The following KLHL6 variants were observed in gnomAD, a reference collection of about 807,000 sequenced individuals.
The protein encoded by KLHL6 is kelch like family member 6.
In KLHL6, 41 loss-of-function variants were observed where a neutral mutation model predicts 58.6. The ratio of observed to expected loss-of-function variants is 0.70; its 90% CI spans 0.55 to 0.91. The LOEUF (loss-of-function observed/expected upper bound fraction) is 0.91. Among genes scored for constraint, KLHL6 ranks in the 40% least tolerant of loss-of-function variants. The pLI is 0.00. For synonymous variants in KLHL6, 338 were observed against 322.7 expected, an observed-to-expected ratio of 1.05 and a Z score of -0.51; for missense variants, 714 against 805.6, an observed-to-expected ratio of 0.89 and a Z score of 1.38.
intron 1 of KLHL6, among the ~76,000 whole-genome samples, chr3:183,550,120 A>T (rs1295909756): frequency 6.6e-6 from 1 of 152,208 alleles, no homozygotes; most frequent in Non-Finnish European, 1.5e-5. Flanking sequence ...ACAAGAAAAA[A>T]GTCTTGGAAG....
intron 1 of KLHL6, among the ~76,000 whole-genome samples, chr3:183,551,642 T>C (rs1433083694): frequency 6.6e-6 from 1 of 152,204 alleles, no homozygotes; most frequent in Non-Finnish European, 1.5e-5. Flanking sequence ...GTAAGGATAC[T>C]AAATCCTTAT....
At chr3:183,503,614 T>C (rs1466170567) in intron 3 of KLHL6, among the ~76,000 whole-genome samples, 1 of 152,126 alleles carries the variant, frequency 6.6e-6, no homozygotes, top group East Asian at 1.9e-4. Flanking sequence ...ACCCCGTCTC[T>C]ATTAAAAATA....
chr3:183,519,071 G>A (rs958395833), intron 2 of KLHL6, among the ~76,000 whole-genome samples: 6 of 152,172 alleles, frequency 3.9e-5, no homozygotes, highest in Admixed American at 2.0e-4. Context: ...GCAGCAGTCC[G>A]GTATGGCAGC....
chr3:183,525,287 C>CACACACACACACACAT (rs1323651683), intron 2 of KLHL6, among the ~76,000 whole-genome samples: 32 of 151,634 alleles, frequency 2.1e-4, no homozygotes, highest in African/African-American at 7.5e-4. Context: ...CACACACACA[C>CACACACACACACACAT]ACACACACTT....
chr3:183,547,311 A>T (rs1712759709), intron 1 of KLHL6, among the ~76,000 whole-genome samples: 1 of 152,176 alleles, frequency 6.6e-6, no homozygotes, highest in Non-Finnish European at 1.5e-5. Context: ...GCTATATAAC[A>T]TTTAAGATAT....
intron 2 of KLHL6, among the ~76,000 whole-genome samples, chr3:183,511,211 A>G (rs1447772431): frequency 1.3e-5 from 2 of 152,244 alleles, no homozygotes; most frequent in Non-Finnish European, 2.9e-5. Context: ...TGTGTCACAA[A>G]TAAGTTCAAG....
Position 183,525,125 on chromosome 3 carries a change from A to G in KLHL6, c.459+2720T>C, listed in dbSNP as rs369036019. Among the ~76,000 whole-genome samples, 10 of 152,194 alleles carry G rather than the reference A, an allele frequency of 6.6e-5. No individual in the cohort carries two copies. The East Asian group carries it at 7.7e-4, about 12-fold the overall frequency. ...CTAAAAATACAAAAATTAGCCAGGC[A>G]TGGTGGTGCACACCTGTAATCCCAG... On this transcript the variant is annotated intron_variant, in intron 2 of 6. Coordinates refer to ENST00000341319, the MANE Select transcript of KLHL6 (RefSeq NM_130446.4).
At chr3:183,501,823 C>A (rs1717873373) in intron 3 of KLHL6, among the ~76,000 whole-genome samples, 2 of 152,194 alleles carry the variant, frequency 1.3e-5, no homozygotes, top group African/African-American at 4.8e-5. Context: ...GGAAGCCATT[C>A]CTAACTTTGC....
At chr3:183,529,791 AAAAG>A (rs1188575339) in intron 1 of KLHL6, among the ~76,000 whole-genome samples, 12 of 151,940 alleles carry the variant, frequency 7.9e-5, no homozygotes, top group Middle Eastern at 3.4e-3. Flanking sequence ...TCTCAAAAAA[AAAAG>A]AAAGAAAGAA....
intron 2 of KLHL6, chr3:183,522,891 C>T (rs1489760225): frequency 6.6e-6 from 1 of 152,230 alleles, no homozygotes; most frequent in Non-Finnish European, 1.5e-5. Flanking sequence ...TCTCGGCTCA[C>T]TGTAACTTCC....
intron 5 of KLHL6, chr3:183,493,492 A>T (rs1320669780): frequency 6.4e-6 from 1 of 156,248 alleles, no homozygotes; most frequent in Non-Finnish European, 1.4e-5. Context: ...ATCTGATCTG[A>T]TAAGGAGAAA....
At chr3:183,501,173 G>A (rs1717857049) in intron 3 of KLHL6, among the ~76,000 whole-genome samples, 1 of 152,218 alleles carries the variant, frequency 6.6e-6, no homozygotes, top group Non-Finnish European at 1.5e-5. Context: ...GGTATGGACA[G>A]CAGAACAGTG....
At chr3:183,530,598 T>C (rs1480044075) in intron 1 of KLHL6, among the ~76,000 whole-genome samples, 1 of 151,746 alleles carries the variant, frequency 6.6e-6, no homozygotes, top group African/African-American at 2.4e-5. Context: ...AATTAAAGAG[T>C]TGGAAAATTC....
intron 1 of KLHL6, among the ~76,000 whole-genome samples, chr3:183,533,963 G>T (rs1021132518): frequency 6.6e-6 from 1 of 151,270 alleles, no homozygotes; most frequent in Non-Finnish European, 1.5e-5. Flanking sequence ...CCCAGAGCTG[G>T]GGGAGCCGTG....
At chr3:183,500,554 A>G (rs564741749) in intron 3 of KLHL6, among the ~76,000 whole-genome samples, 1 of 152,350 alleles carries the variant, frequency 6.6e-6, no homozygotes, top group Admixed American at 6.5e-5. Flanking sequence ...GCTTGTAATC[A>G]TTGCTGTGCT....
chr3:183,499,886 TATGG>T lies in KLHL6; in HGVS notation c.910-63_910-60del. On this transcript the variant is annotated intron_variant, in intron 3 of 6. Transcript: ENST00000341319. This position sits in a 1 kb window ranked among gnomAD's most constrained non-coding sequence, Gnocchi z 4.6. ...CAACACAAAGTTTCAGAGCTCGGGC[TATGG>T]AGCCATTAGGAGTCGGGTCCAATTC... The T allele has an allele frequency of 7.4e-7, 1 of 1,353,882 alleles. No individual in the cohort carries two copies. Among genetic ancestry groups the T allele is most frequent in the Non-Finnish European group, 1.0e-6 (1 of 996,926 alleles). 83.9% of individuals were successfully genotyped at this position (1,353,882 alleles called of 1,614,324 possible). A position where few individuals can be genotyped will look rare whatever the true frequency, so the allele number is the denominator to read the frequency against.
intron 1 of KLHL6, among the ~76,000 whole-genome samples, chr3:183,538,173 A>G (rs1029723735): frequency 3.3e-5 from 5 of 152,182 alleles, no homozygotes; most frequent in African/African-American, 1.2e-4. Flanking sequence ...TCGAACATTC[A>G]ACGTACCTGC....
In KLHL6 at chr3:183,490,318, C is replaced by T. The variant is rs1370307651; in HGVS notation, c.*1609G>A. On this transcript the variant is annotated 3_prime_UTR_variant, in exon 7 of 7. Transcript: ENST00000341319. ...AAGTGTACCATCAAGGAGAATCTGTCGCTCCTGTGTAGGCCAGCTGTGCTC... is the reference window on the plus strand; with the variant it reads ...AAGTGTACCATCAAGGAGAATCTGTTGCTCCTGTGTAGGCCAGCTGTGCTC... 1.3e-5 allele frequency: 2 copies of T among 152,134 alleles called. No homozygotes were observed. The highest frequency in any genetic ancestry group is 1.5e-5 in the Non-Finnish European group (1 of 68,030). 9.4% of individuals were successfully genotyped at this position (152,134 alleles called of 1,614,324 possible). A position where few individuals can be genotyped will look rare whatever the true frequency, so the allele number is the denominator to read the frequency against.
chr3:183,509,870 A>G (rs944253238), intron 2 of KLHL6, among the ~76,000 whole-genome samples: 1 of 152,234 alleles, frequency 6.6e-6, no homozygotes, highest in Non-Finnish European at 1.5e-5. Flanking sequence ...ATGACACTCT[A>G]AGAAGACTAT....
Sources: allele counts gnomAD v4.1 joint callset (sites outside exome capture counted in the v4.1 genomes callset), GRCh38; gene constraint gnomAD v4.1.1; non-coding constraint Gnocchi (gnomAD v3.1); transcripts MANE v1.5; gene names NCBI Gene and HGNC (gene_info 2026-07-23, HGNC 2026-07-21).